Variants in TENM3 observed in about 807,000 individuals in gnomAD.
TENM3 encodes teneurin-3.
Under a neutral mutation model 255.1 loss-of-function variants are expected in TENM3, and 63 were observed. That is an observed-to-expected ratio of 0.25 (90% CI 0.20 to 0.30). The LOEUF is 0.30. Among genes scored for constraint, TENM3 ranks in the 10% least tolerant of loss-of-function variants. The pLI, the probability that TENM3 is intolerant of heterozygous loss-of-function variation, is 1.00. For synonymous variants in TENM3, 1,306 were observed against 1,322.3 expected (o/e 0.99, Z 0.27); for missense variants, 2,929 against 3,461.1 (o/e 0.85, Z 3.86).
chr4:182,489,804 C>T (rs1041350602), intron 3 of TENM3, among the ~76,000 whole-genome samples: 4 of 151,202 alleles, frequency 2.6e-5, no homozygotes, highest in Admixed American at 6.6e-5. Context: ...CTCCTCCTCT[C>T]GCCCTGTTCC....
chr4:182,284,997 A>G (rs1314256732), intron 1 of TENM3, among the ~76,000 whole-genome samples: 1 of 151,840 alleles, frequency 6.6e-6, no homozygotes, highest in African/African-American at 2.4e-5. Context: ...AATATTTAGC[A>G]TATATATATA....
chr4:181,548,620 G>T, the TENM3 span, among the ~76,000 whole-genome samples: 1 of 152,142 alleles, frequency 6.6e-6, no homozygotes, highest in Non-Finnish European at 1.5e-5. Context: ...TTTTGATGAT[G>T]TGCCTCTCCC....
intron 3 of TENM3, among the ~76,000 whole-genome samples, chr4:182,568,351 G>C (rs532417380): frequency 6.6e-6 from 1 of 152,194 alleles, no homozygotes; most frequent in African/African-American, 2.4e-5. Context: ...GGAATAATTA[G>C]TAAAGAGGTA....
chr4:182,471,102 G>C (rs1441289951), intron 3 of TENM3, among the ~76,000 whole-genome samples: 1 of 152,144 alleles, frequency 6.6e-6, no homozygotes, highest in East Asian at 1.9e-4. Context: ...ATGACCAAAA[G>C]CTGGGCCACG....
intron 3 of TENM3, among the ~76,000 whole-genome samples, chr4:182,578,408 A>T (rs1745153048): frequency 1.3e-5 from 2 of 151,730 alleles, no homozygotes; most frequent in African/African-American, 4.8e-5. Flanking sequence ...CTTCCCCTCC[A>T]CTTGCTACAA....
chr4:182,057,654 G>A, the TENM3 span, among the ~76,000 whole-genome samples: 8 of 151,938 alleles, frequency 5.3e-5, no homozygotes, highest in Non-Finnish European at 7.4e-5. Context: ...CCCTGCCTTC[G>A]CCTCCCAAGA....
At chr4:182,024,299 G>C in the TENM3 span, among the ~76,000 whole-genome samples, 1 of 152,232 alleles carries the variant, frequency 6.6e-6, no homozygotes, top group Middle Eastern at 3.4e-3. Flanking sequence ...CACCCATCCA[G>C]CAAAAGTTTA....
At chr4:181,987,720 T>G in the TENM3 span, among the ~76,000 whole-genome samples, 1 of 152,130 alleles carries the variant, frequency 6.6e-6, no homozygotes, top group Non-Finnish European at 1.5e-5. Flanking sequence ...TAGTTCCCTT[T>G]AGCTTCACAG....
At chr4:182,585,230 G>A (rs1745896038) in intron 3 of TENM3, among the ~76,000 whole-genome samples, 2 of 152,122 alleles carry the variant, frequency 1.3e-5, no homozygotes, top group South Asian at 4.1e-4. Flanking sequence ...TTTTACAGGT[G>A]AGGAATTGGA....
At chr4:181,747,057 T>C in the TENM3 span, among the ~76,000 whole-genome samples, 2 of 152,106 alleles carry the variant, frequency 1.3e-5, no homozygotes, top group African/African-American at 4.8e-5. Context: ...CAAGGGCAAG[T>C]GCGTTTAAAA....
At chr4:182,480,517 AGGC>A (rs1734093811) in intron 3 of TENM3, among the ~76,000 whole-genome samples, 1 of 152,034 alleles carries the variant, frequency 6.6e-6, no homozygotes, top group Non-Finnish European at 1.5e-5. Flanking sequence ...GTTTGCTTGT[AGGC>A]CTTAAGTAAC....
chr4:181,872,064 G>T, the TENM3 span, among the ~76,000 whole-genome samples: 2 of 151,802 alleles, frequency 1.3e-5, no homozygotes, highest in African/African-American at 2.4e-5. Flanking sequence ...GACACTGTTG[G>T]CCTCATTAAA....
intron 13 of TENM3, among the ~76,000 whole-genome samples, chr4:182,719,544 C>T (rs1759526433): frequency 6.6e-6 from 1 of 151,924 alleles, no homozygotes; most frequent in Non-Finnish European, 1.5e-5. Context: ...CAGGCATGAA[C>T]CACTGCGCCT....
chr4:181,629,990 T>A, the TENM3 span, among the ~76,000 whole-genome samples: 21 of 152,232 alleles, frequency 1.4e-4, no homozygotes, highest in African/African-American at 4.6e-4. Flanking sequence ...GTTGGTAGGC[T>A]ATTAATTATT....
chr4:181,902,235 C>T, the TENM3 span, among the ~76,000 whole-genome samples: 1 of 150,864 alleles, frequency 6.6e-6, no homozygotes, highest in African/African-American at 2.4e-5. Context: ...GTTTAAGTTC[C>T]TTGTATATTC....
the TENM3 span, among the ~76,000 whole-genome samples, chr4:181,836,508 A>G: frequency 6.6e-6 from 1 of 152,266 alleles, no homozygotes; most frequent in Non-Finnish European, 1.5e-5. Flanking sequence ...TTTCATATGA[A>G]TGACTGATCA....
the TENM3 span, among the ~76,000 whole-genome samples, chr4:181,733,054 G>A: frequency 1.3e-5 from 2 of 152,196 alleles, no homozygotes; most frequent in Non-Finnish European, 2.9e-5. Context: ...AAAGTGTTGT[G>A]ATTTTATATG....
chr4:182,269,984 C>A (rs894305023), intron 1 of TENM3, among the ~76,000 whole-genome samples: 8 of 152,118 alleles, frequency 5.3e-5, no homozygotes, highest in African/African-American at 1.7e-4. Flanking sequence ...GGATAAGGAG[C>A]ATTGGGGGCT....
At chr4:182,539,720 C>G (rs1358973958) in intron 3 of TENM3, among the ~76,000 whole-genome samples, 1 of 152,172 alleles carries the variant, frequency 6.6e-6, no homozygotes, top group Non-Finnish European at 1.5e-5. Flanking sequence ...GTTATTTTAA[C>G]ACTTTCTATG....
Sources: allele counts gnomAD v4.1 joint callset (sites outside exome capture counted in the v4.1 genomes callset), GRCh38; gene constraint gnomAD v4.1.1; transcripts MANE v1.5; gene names NCBI Gene and HGNC (gene_info 2026-07-23, HGNC 2026-07-21).